PDLIM4: variants seen among roughly 807,000 people sequenced by gnomAD.
PDLIM4 encodes PDZ and LIM domain 4, also known as PDZ and LIM domain protein 4.
Under a neutral mutation model 31.3 loss-of-function variants are expected in PDLIM4, and 19 were observed. The observed-to-expected ratio is 0.61, with a 90% confidence interval of 0.42 to 0.89. The LOEUF is 0.89. Among genes scored for constraint, PDLIM4 ranks in the 40% least tolerant of loss-of-function variants. The pLI, the probability that PDLIM4 is intolerant of heterozygous loss-of-function variation, is 0.00. For missense variants in PDLIM4, 442 were observed against 461.1 expected (o/e 0.96, Z 0.38); for synonymous variants, 176 against 190.1 (o/e 0.93, Z 0.61).
intron 1 of PDLIM4, among the ~76,000 whole-genome samples, chr5:132,258,193 C>A (rs1025684028): frequency 6.6e-6 from 1 of 152,220 alleles, no homozygotes; most frequent in Non-Finnish European, 1.5e-5. Context: ...GCCTGAAGAT[C>A]TGGGGCAAAA....
At chr5:132,268,842 C>T (rs6897575) in intron 3 of PDLIM4, among the ~76,000 whole-genome samples, 67,848 of 151,998 alleles carry the variant, frequency 0.45, 16,336 homozygotes, top group Non-Finnish European at 0.55. Flanking sequence ...GAAAAATCCA[C>T]TGAGGCTTCA....
intron 2 of PDLIM4, among the ~76,000 whole-genome samples, chr5:132,264,079 A>C (rs1370278981): frequency 6.6e-6 from 1 of 151,958 alleles, no homozygotes; most frequent in East Asian, 1.9e-4. Context: ...CCCCTGACTC[A>C]CCTCCAGCCT....
At chr5:132,261,978 C>T (rs1756385623) in intron 1 of PDLIM4, among the ~76,000 whole-genome samples, 1 of 152,156 alleles carries the variant, frequency 6.6e-6, no homozygotes. Flanking sequence ...GGCCTCTATG[C>T]TGAGATCTGA....
In PDLIM4 at chr5:132,266,554, A is replaced by G. The variant is rs201755739; in HGVS notation, c.327+9A>G. On this transcript the variant is annotated intron_variant, in intron 3 of 6. Coordinates refer to ENST00000253754, the MANE Select transcript of PDLIM4 (RefSeq NM_003687.4). ...TCGATCCTGAGATCCAGGTATGTAC[A>G]GACACTGCCTGGCCTGGCCTGGCTC... The G allele has an allele frequency of 3.1e-6, 5 of 1,596,792 alleles. No individual in the cohort carries two copies. The highest frequency in any genetic ancestry group is 1.7e-5 in the Admixed American group (1 of 59,680).
At chr5:132,258,878 A>G (rs1756305430) in intron 1 of PDLIM4, among the ~76,000 whole-genome samples, 1 of 152,004 alleles carries the variant, frequency 6.6e-6, no homozygotes, top group African/African-American at 2.4e-5. Flanking sequence ...CCCCCACCCT[A>G]CTGCCACCTC....
intron 2 of PDLIM4, among the ~76,000 whole-genome samples, chr5:132,265,638 A>T (rs1349030751): frequency 6.6e-6 from 1 of 152,190 alleles, no homozygotes; most frequent in African/African-American, 2.4e-5. Flanking sequence ...CTAGGTCAGT[A>T]ATGAGACCTT....
At chr5:132,263,844 C>G (rs74706575) in intron 2 of PDLIM4, among the ~76,000 whole-genome samples, 1 of 152,146 alleles carries the variant, frequency 6.6e-6, no homozygotes, top group African/African-American at 2.4e-5. Flanking sequence ...CCCTGGCACA[C>G]GGTGAGGATG....
intron 3 of PDLIM4, among the ~76,000 whole-genome samples, chr5:132,267,395 CT>C (rs1237987586): frequency 6.6e-6 from 1 of 152,252 alleles, no homozygotes; most frequent in Non-Finnish European, 1.5e-5. Context: ...CCAATCCCAT[CT>C]TGCTCTATTC....
chr5:132,270,764 C>A, intron 3 of PDLIM4, 151 bp from the exon 4 acceptor site: 1 of 698,604 alleles, frequency 1.4e-6, no homozygotes, highest in Non-Finnish European at 2.5e-6. Flanking sequence ...AAATCCCTTC[C>A]CTGGCTGAGC....
rs200387852 is a variant in PDLIM4, at chr5:132,272,026, G to A, written c.790G>A (p.Gly264Ser). Residue 264 changes from glycine (G) to serine (S), a missense_variant and splice_region_variant, in exon 7 of 7, where the codon GGC (glycine) becomes AGC (serine). Physicochemically the swap from Gly to Ser is moderately conservative, Grantham distance 56. Coordinates refer to ENST00000253754, the MANE Select transcript of PDLIM4 (RefSeq NM_003687.4). ...GTCCTGTCTCGTTCCCCCCATCAGG[G>A]GCACCATCGTCAAGGCACGGGACAA... Reference protein sequence around the residue: ...ECTRCGHGIVGTIVKARDKLY... With the variant: ...ECTRCGHGIVSTIVKARDKLY... 1 of 1,614,058 alleles carries A rather than the reference G, an allele frequency of 6.2e-7. No homozygotes were observed. The highest frequency in any genetic ancestry group is 2.2e-5 in the East Asian group (1 of 44,884).
intron 3 of PDLIM4, among the ~76,000 whole-genome samples, chr5:132,270,703 T>C (rs1474679683): frequency 6.6e-6 from 1 of 152,210 alleles, no homozygotes; most frequent in Non-Finnish European, 1.5e-5. Flanking sequence ...CCAAGGACGT[T>C]TCTCATTTCT....
At chr5:132,269,404 A>G (rs1756557394) in intron 3 of PDLIM4, among the ~76,000 whole-genome samples, 1 of 151,108 alleles carries the variant, frequency 6.6e-6, no homozygotes, top group African/African-American at 2.4e-5. Flanking sequence ...CCCTGCCTGC[A>G]TGCTTGCCCG....
In PDLIM4 at chr5:132,271,085, A is replaced by G; in HGVS notation, c.498A>G (p.Pro166=). Residue 166 remains proline, a synonymous_variant, in exon 4 of 7, where the codon CCA becomes CCG. Coordinates refer to ENST00000253754, the MANE Select transcript of PDLIM4 (RefSeq NM_003687.4). ...PAQMSTLHVS[P]PPSADPARGL... ...AGATGAGCACCCTGCATGTGTCTCCACCCCCCAGGTAGCACAGAGATGCCT... is the reference window on the plus strand; with the variant it reads ...AGATGAGCACCCTGCATGTGTCTCCGCCCCCCAGGTAGCACAGAGATGCCT... The G allele has an allele frequency of 1.2e-6, 2 of 1,613,332 alleles. No homozygotes were observed. The highest frequency in any genetic ancestry group is 1.7e-6 in the Non-Finnish European group (2 of 1,179,628).
rs61672007 is a variant in PDLIM4 at position 132,272,526 on chromosome 5, C to T, written c.*297C>T. The T allele has an allele frequency of 3.9e-3, 1,830 of 470,118 alleles. 22 individuals are homozygous for T. Among genetic ancestry groups the T allele is most frequent in the African/African-American group, 0.032 (1,639 of 50,866 alleles). The allele number at this position is 470,118 out of a possible 1,614,324, so 29.1% of individuals were successfully genotyped here. Reference sequence around the variant, plus strand: ...TCACAACGGGCCAGCTCTAGTAATACGAAGGTGAGGTCTGGGATGCTGCGT... The same window carrying T: ...TCACAACGGGCCAGCTCTAGTAATATGAAGGTGAGGTCTGGGATGCTGCGT... On this transcript the variant is annotated 3_prime_UTR_variant, in exon 7 of 7. Transcript: ENST00000253754.
At chr5:132,259,748 G>A (rs1294440293) in intron 1 of PDLIM4, among the ~76,000 whole-genome samples, 6 of 152,186 alleles carry the variant, frequency 3.9e-5, no homozygotes, top group African/African-American at 1.4e-4. Context: ...ACACAGACAG[G>A]GAGGAGGCTA....
rs1268539572 is a variant in PDLIM4 at position 132,271,361 on chromosome 5, G to C, written c.565G>C (p.Glu189Gln). 3.7e-6 allele frequency: 6 copies of C among 1,605,474 alleles called. No homozygotes were observed. In the Admixed American group the frequency reaches 8.3e-5, roughly 22 times the overall value. Residue 189 changes from glutamate (E) to glutamine (Q), a missense_variant, in exon 5 of 7, where the codon GAG becomes CAG. Transcript: ENST00000253754. Reference protein sequence around the residue: ...SRDCRVDLGSEVYRMLREPAE... With the variant: ...SRDCRVDLGSQVYRMLREPAE... ...GGACTGCAGAGTCGACCTGGGCTCC[G>C]AGGTGTACAGGATGCTGCGGGAGCC... is the stretch of plus-strand genomic sequence containing the variant.
rs1483985685 is a variant in PDLIM4 at position 132,272,184 on chromosome 5, C to T, written c.948C>T (p.Tyr316=). ...CGCGCGTGAAGCCGCCCGAGGGCTA[C>T]GACGTGGTGGCGGTGTACCCCAATG... The part of the protein sequence containing the change: ...AKARVKPPEG[Y]DVVAVYPNAK... Residue 316 remains tyrosine (Y), a synonymous_variant, in exon 7 of 7, where the codon TAC becomes TAT. Transcript: ENST00000253754. 1 of 1,614,102 alleles carries T rather than the reference C, an allele frequency of 6.2e-7. No individual in the cohort carries two copies. The highest frequency in any genetic ancestry group is 8.5e-7 in the Non-Finnish European group (1 of 1,180,052).
intron 5 of PDLIM4, 76 bp downstream of exon 5, chr5:132,271,542 G>A (rs777050567): frequency 1.4e-6 from 2 of 1,455,520 alleles, no homozygotes; most frequent in East Asian, 2.3e-5. Flanking sequence ...GCGACCCCAC[G>A]TCCCGCCTCG....
At position 132,257,742 on chromosome 5, in the gene PDLIM4, A is replaced by T. The variant is rs1330552461; in HGVS notation, c.8A>T (p.His3Leu). The T allele has an allele frequency of 6.7e-6, 10 of 1,485,384 alleles. No individual in the cohort carries two copies. The highest frequency in any genetic ancestry group is 4.4e-5 in the Admixed American group (2 of 45,596). The allele number at this position is 1,485,384 out of a possible 1,614,324, so 92.0% of individuals were successfully genotyped here. The change falls in exon 1 of 7, where the codon CAT (histidine) becomes CTT (leucine). Residue 3 changes from histidine to leucine, a missense_variant. Physicochemically the swap from His to Leu is moderately conservative, Grantham distance 99. Transcript: ENST00000253754. The surrounding 1 kb of genome is among the most constrained non-coding windows in gnomAD (Gnocchi z 4.3). Reference sequence around the variant, plus strand: ...CTGCGGCTCCAGCCCGCGATGCCCCATTCCGTGACCCTGCGCGGGCCTTCG... The same window carrying T: ...CTGCGGCTCCAGCCCGCGATGCCCCTTTCCGTGACCCTGCGCGGGCCTTCG... MP[H>L]SVTLRGPSPW...
Sources: allele counts gnomAD v4.1 joint callset (sites outside exome capture counted in the v4.1 genomes callset), GRCh38; gene constraint gnomAD v4.1.1; non-coding constraint Gnocchi (gnomAD v3.1); transcripts MANE v1.5; gene names NCBI Gene and HGNC (gene_info 2026-07-23, HGNC 2026-07-21).